Variants in DPP10 observed in about 807,000 individuals in gnomAD.
The protein encoded by DPP10 is dipeptidyl peptidase like 10, also known as inactive dipeptidyl peptidase 10.
In DPP10, 33 loss-of-function variants were observed where a neutral mutation model predicts 120.9. The observed-to-expected ratio is 0.27, with a 90% CI of 0.21 to 0.37. The LOEUF (loss-of-function observed/expected upper bound fraction) is 0.37. DPP10 is among the 10% of genes least tolerant of loss of function. The pLI, the probability that DPP10 is intolerant of heterozygous loss-of-function variation, is 1.00. For missense variants in DPP10, 816 were observed against 942.8 expected, an observed-to-expected ratio of 0.87 and a Z score of 1.76; for synonymous variants, 337 against 326.1, an observed-to-expected ratio of 1.03 and a Z score of -0.36.
intron 1 of DPP10, among the ~76,000 whole-genome samples, chr2:114,658,845 G>A (rs1697167683): frequency 6.6e-6 from 1 of 152,118 alleles, no homozygotes; most frequent in African/African-American, 2.4e-5. Flanking sequence ...CTGTGCTATG[G>A]TTTGGCTCTG....
intron 1 of DPP10, among the ~76,000 whole-genome samples, chr2:114,591,709 C>T (rs1165060116): frequency 6.6e-6 from 1 of 151,960 alleles, no homozygotes; most frequent in Non-Finnish European, 1.5e-5. Context: ...TGTGTGCCAA[C>T]ACGTCTGGCT....
At chr2:115,003,975 ATTAGT>A (rs1424369693) in intron 1 of DPP10, among the ~76,000 whole-genome samples, 2 of 152,222 alleles carry the variant, frequency 1.3e-5, no homozygotes, top group African/African-American at 4.8e-5. Context: ...ATATGTAGTT[ATTAGT>A]TTATTCACCA....
At position 115,380,124 on chromosome 2, in the gene DPP10, G is replaced by A. The variant is rs559870827; in HGVS notation, c.271+36212G>A. ...GGTATCCTTGTTGACTTTCTGTCTC[G>A]TTGATCTGTCTAATGTTGACAGTGG... On this transcript the variant is annotated intron_variant, in intron 3 of 25. Coordinates refer to ENST00000410059, the MANE Select transcript of DPP10 (RefSeq NM_020868.6). Among the ~76,000 whole-genome samples the A allele has an allele frequency of 7.9e-5, 12 of 152,184 alleles. No individual in the cohort carries two copies. The East Asian group carries it at 1.7e-3, about 22-fold the overall frequency.
chr2:114,607,501 GA>G (rs1301303639), intron 1 of DPP10, among the ~76,000 whole-genome samples: 1 of 152,148 alleles, frequency 6.6e-6, no homozygotes, highest in Non-Finnish European at 1.5e-5. Context: ...AACTGTAGCT[GA>G]TTCATGCAAA....
intron 1 of DPP10, chr2:114,833,780 C>T (rs1189436809): frequency 1.3e-5 from 2 of 152,130 alleles, no homozygotes; most frequent in East Asian, 1.9e-4. Flanking sequence ...AAGCCTGGCA[C>T]GTGATAAGAA....
chr2:115,058,030 C>T (rs1006952672), intron 1 of DPP10, among the ~76,000 whole-genome samples: 1 of 152,176 alleles, frequency 6.6e-6, no homozygotes, highest in Non-Finnish European at 1.5e-5. Context: ...CTGCTGCGTT[C>T]GCACTGGGGC....
intron 1 of DPP10, among the ~76,000 whole-genome samples, chr2:114,908,354 T>G (rs1694126604): frequency 6.6e-6 from 1 of 152,004 alleles, no homozygotes; most frequent in Admixed American, 6.6e-5. Flanking sequence ...TCTTTTGGTA[T>G]TGTATGTCTC....
chr2:115,336,637 C>A (rs188993232), intron 2 of DPP10, among the ~76,000 whole-genome samples: 86 of 150,938 alleles, frequency 5.7e-4, no homozygotes, highest in African/African-American at 1.9e-3. Flanking sequence ...TATTTTGTTA[C>A]AGAATCACTA....
intron 1 of DPP10, among the ~76,000 whole-genome samples, chr2:114,548,040 G>C (rs1221245068): frequency 6.6e-6 from 1 of 152,152 alleles, no homozygotes; most frequent in African/African-American, 2.4e-5. Flanking sequence ...AGCCTTCCAG[G>C]GATGGAGTGG....
rs563854223 is a variant in DPP10, at chr2:114,567,287, T to G, written c.60+124449T>G. ...CCTCTGAAGCTGTGAGTATGCTGTC[T>G]TACAAATCTCACATCTGCAAAGGGA... On this transcript the variant is annotated intron_variant, in intron 1 of 25. Transcript: ENST00000410059. 4.6e-5 allele frequency among the ~76,000 whole-genome samples: 7 copies of G among 152,324 alleles called. No individual in the cohort carries two copies. The South Asian group carries it at 1.4e-3, about 32-fold the overall frequency.
At chr2:115,380,902 G>T (rs1428615506) in intron 3 of DPP10, among the ~76,000 whole-genome samples, 1 of 152,156 alleles carries the variant, frequency 6.6e-6, no homozygotes, top group Non-Finnish European at 1.5e-5. Context: ...CTGGCTTGTA[G>T]AGTTTCTGCC....
At chr2:115,572,515 T>C (rs1004067962) in intron 5 of DPP10, among the ~76,000 whole-genome samples, 18 of 152,224 alleles carry the variant, frequency 1.2e-4, no homozygotes, top group African/African-American at 4.3e-4. Flanking sequence ...ATGCTATATG[T>C]GTATGTTATA....
chr2:115,807,032 T>G (rs866784762), intron 19 of DPP10, among the ~76,000 whole-genome samples: 10 of 152,176 alleles, frequency 6.6e-5, no homozygotes, highest in African/African-American at 1.4e-4. Context: ...GGTATGACCC[T>G]TTCTAAGTGC....
Position 114,663,640 on chromosome 2 carries a change from G to GATATATATAT in DPP10, c.60+220822_60+220831dup, listed in dbSNP as rs748891458. Among the ~76,000 whole-genome samples, 9 of 107,872 alleles carry GATATATATAT rather than the reference G, an allele frequency of 8.3e-5. 1 individual carries two copies. Among genetic ancestry groups the GATATATATAT allele is most frequent in the African/African-American group, 4.4e-4 (9 of 20,406 alleles). 70.8% of individuals were successfully genotyped at this position (107,872 alleles called of 152,430 possible). On this transcript the variant is annotated intron_variant, in intron 1 of 25. Transcript: ENST00000410059. ...ATATATGTCTATATATACATGTACA[G>GATATATATAT]ATATATATATATATATATATATATA...
At chr2:114,480,158 A>G (rs1481496078) in intron 1 of DPP10, among the ~76,000 whole-genome samples, 1 of 151,962 alleles carries the variant, frequency 6.6e-6, no homozygotes, top group East Asian at 1.9e-4. Context: ...ACAATGAGAT[A>G]CCATCTCACA....
chr2:115,768,964 C>T (rs925046999), intron 13 of DPP10, among the ~76,000 whole-genome samples: 8 of 149,996 alleles, frequency 5.3e-5, no homozygotes, highest in East Asian at 1.9e-4. Flanking sequence ...TTAGACTTTC[C>T]GATAAAAAGA....
rs150736667 is a variant in DPP10, at chr2:115,162,141, C to T, written c.61-147098C>T. ...CCCGCGCCTCCCTCTTCTCACCCTC[C>T]CCCGCCCCGCCCCAGTTCCAGGCTC... On this transcript the variant is annotated intron_variant, in intron 1 of 25. Coordinates refer to ENST00000410059, the MANE Select transcript of DPP10 (RefSeq NM_020868.6). 3.3e-6 allele frequency: 5 copies of T among 1,515,084 alleles called. No homozygotes were observed. The East Asian group carries it at 1.3e-4, about 39-fold the overall frequency. 93.9% of individuals were successfully genotyped at this position (1,515,084 alleles called of 1,614,324 possible).
chr2:115,140,745 G>A (rs1160249661), intron 1 of DPP10, among the ~76,000 whole-genome samples: 1 of 152,074 alleles, frequency 6.6e-6, no homozygotes, highest in Non-Finnish European at 1.5e-5. Context: ...GAAGTGAAGA[G>A]AAGTAATCCA....
chr2:115,326,018 A>G (rs2062342712), intron 2 of DPP10, among the ~76,000 whole-genome samples: 1 of 152,172 alleles, frequency 6.6e-6, no homozygotes, highest in South Asian at 2.1e-4. Context: ...TAAAATCTGA[A>G]TAATATTTTA....
Sources: gnomAD v4.1 joint callset for allele counts (sites outside exome capture counted in the v4.1 genomes callset) on GRCh38, gnomAD v4.1.1 for gene constraint, MANE v1.5 for transcripts, NCBI Gene and HGNC (gene_info 2026-07-23, HGNC 2026-07-21) for gene names.